Variants in EVL observed in about 807,000 individuals in gnomAD.
EVL encodes the protein ena/VASP-like protein.
Under a neutral mutation model 59.6 loss-of-function variants are expected in EVL, and 21 were observed. That is an observed-to-expected ratio of 0.35 (90% CI 0.25 to 0.51). The LOEUF (loss-of-function observed/expected upper bound fraction) is 0.51, where lower values mean the gene tolerates loss of function less well. Among genes scored for constraint, EVL ranks in the 20% least tolerant of loss-of-function variants. EVL has a pLI of 0.97. For synonymous variants in EVL, 198 were observed against 203.5 expected (o/e 0.97, Z 0.23); for missense variants, 462 against 546.6 (o/e 0.85, Z 1.54).
At position 100,047,957 on chromosome 14, in the gene EVL, A is replaced by T. The variant is rs183352689; in HGVS notation, c.6-36730A>T. Among the ~76,000 whole-genome samples the T allele has an allele frequency of 2.4e-4, 36 of 152,372 alleles. 1 individual carries two copies. The highest frequency in any genetic ancestry group is 1.5e-3 in the Admixed American group (23 of 15,312). ...AATTTTGGCCTAATCCTCACATGTT[A>T]TACAAAAGTTACTTCAAAGTGGTTC... On this transcript the variant is annotated intron_variant, in intron 1 of 13. Transcript: ENST00000402714.
At chr14:100,116,318 G>A (rs1005284320) in intron 3 of EVL, among the ~76,000 whole-genome samples, 4 of 152,158 alleles carry the variant, frequency 2.6e-5, no homozygotes, top group Non-Finnish European at 4.4e-5. Context: ...CTCAGACCAG[G>A]TGGCTGTCGT....
chr14:100,091,677 G>A (rs1008784073), intron 2 of EVL, among the ~76,000 whole-genome samples: 1 of 152,048 alleles, frequency 6.6e-6, no homozygotes, highest in Non-Finnish European at 1.5e-5. Context: ...CTAGGTAAAC[G>A]GTTTCCCTGA....
chr14:100,012,009 TAA>T (rs2061019750), intron 1 of EVL, among the ~76,000 whole-genome samples: 1 of 152,160 alleles, frequency 6.6e-6, no homozygotes, highest in African/African-American at 2.4e-5. Context: ...TGCTGACAGA[TAA>T]AGTGTTTTGC....
intron 2 of EVL, among the ~76,000 whole-genome samples, chr14:100,095,226 G>A (rs1482612945): frequency 6.6e-6 from 1 of 152,118 alleles, no homozygotes; most frequent in Non-Finnish European, 1.5e-5. Flanking sequence ...CCTGATATAA[G>A]GTGGTTTCAA....
At chr14:99,985,596 C>G (rs2060834723) in intron 1 of EVL, among the ~76,000 whole-genome samples, 1 of 151,490 alleles carries the variant, frequency 6.6e-6, no homozygotes, top group South Asian at 2.1e-4. Flanking sequence ...GGAGAAACCC[C>G]GTCTCTACTT....
intron 1 of EVL, among the ~76,000 whole-genome samples, chr14:100,042,945 G>A (rs191807655): frequency 6.6e-6 from 1 of 152,198 alleles, no homozygotes; most frequent in African/African-American, 2.4e-5. Flanking sequence ...AACAGTGTGG[G>A]GATCGACTGT....
At chr14:100,068,027 G>A (rs2061970365) in intron 1 of EVL, among the ~76,000 whole-genome samples, 1 of 152,142 alleles carries the variant, frequency 6.6e-6, no homozygotes, top group African/African-American at 2.4e-5. Context: ...GGGACACAGT[G>A]GTAAACAAGA....
chr14:99,985,240 A>G (rs1412416904), intron 1 of EVL, among the ~76,000 whole-genome samples: 1 of 151,958 alleles, frequency 6.6e-6, no homozygotes, highest in African/African-American at 2.4e-5. Flanking sequence ...GAAGAATAGC[A>G]TGGGGCATAT....
intron 1 of EVL, among the ~76,000 whole-genome samples, chr14:100,076,589 G>A (rs1185915924): frequency 3.3e-5 from 5 of 152,216 alleles, no homozygotes; most frequent in African/African-American, 1.2e-4. Context: ...GGGCTTCAGG[G>A]AAGATTTTCT....
chr14:100,081,637 G>GGT (rs1186542876), intron 1 of EVL, among the ~76,000 whole-genome samples: 1 of 151,950 alleles, frequency 6.6e-6, no homozygotes, highest in African/African-American at 2.4e-5. Flanking sequence ...TCCCCTAAAA[G>GGT]GTGTGTGTGA....
intron 1 of EVL, chr14:100,019,520 A>G (rs1566970648): frequency 3.1e-6 from 2 of 652,004 alleles, no homozygotes; most frequent in Non-Finnish European, 4.9e-6. Flanking sequence ...CCCTGTCTGC[A>G]GAAAGCCTTT....
intron 4 of EVL, among the ~76,000 whole-genome samples, chr14:100,126,053 C>T (rs1888050975): frequency 6.6e-6 from 1 of 152,202 alleles, no homozygotes; most frequent in Non-Finnish European, 1.5e-5. Flanking sequence ...GTGCCTCCCA[C>T]TCCAGAACTC....
chr14:99,991,960 CTGTGTGTGTGTGTG>C (rs58443751), intron 1 of EVL, among the ~76,000 whole-genome samples: 10 of 144,346 alleles, frequency 6.9e-5, no homozygotes, highest in Non-Finnish European at 1.1e-4. Context: ...AGGGTCAACT[CTGTGTGTGTGTGTG>C]TGTGTGTGTG....
intron 1 of EVL, among the ~76,000 whole-genome samples, chr14:100,041,842 C>A (rs2061472336): frequency 6.6e-6 from 1 of 152,098 alleles, no homozygotes; most frequent in South Asian, 2.1e-4. Context: ...GACTAGAAAA[C>A]CCTATCTGAA....
Position 99,983,410 on chromosome 14 carries a change from G to T in EVL, c.5+11353G>T, listed in dbSNP as rs1361795052. On this transcript the variant is annotated intron_variant, in intron 1 of 13. Transcript: ENST00000402714. The stretch of plus-strand genomic sequence containing the variant: ...GAAAGGGAAACATGAGCCAGTGTGT[G>T]CCTCTCCTTGGGTAATAAAGGAGAG... Among the ~76,000 whole-genome samples, 11 of 152,290 alleles carry T rather than the reference G, an allele frequency of 7.2e-5. No individual in the cohort carries two copies. In the South Asian group the frequency reaches 1.4e-3, roughly 20 times the overall value.
intron 1 of EVL, chr14:100,074,540 A>G (rs2062119660): frequency 6.6e-6 from 1 of 152,490 alleles, no homozygotes. Context: ...TGTTGCTGGC[A>G]AACAATAGAG....
chr14:100,022,366 A>G (rs1159088539), intron 1 of EVL, among the ~76,000 whole-genome samples: 1 of 149,978 alleles, frequency 6.7e-6, no homozygotes, highest in Admixed American at 6.7e-5. Context: ...CAACCTCTGC[A>G]TCCTGGATTC....
intron 2 of EVL, among the ~76,000 whole-genome samples, chr14:100,086,776 G>C (rs1202675536): frequency 2.0e-5 from 3 of 152,248 alleles, no homozygotes; most frequent in African/African-American, 7.2e-5. Flanking sequence ...TGATTGAGAA[G>C]TTCAGAGCAC....
intron 1 of EVL, among the ~76,000 whole-genome samples, chr14:100,083,566 C>T (rs1310613919): frequency 3.3e-5 from 5 of 152,164 alleles, no homozygotes; most frequent in African/African-American, 1.2e-4. Context: ...GAGACTTCCC[C>T]TGAATACCGT....
Sources: gnomAD v4.1 joint callset for allele counts (sites outside exome capture counted in the v4.1 genomes callset) on GRCh38, gnomAD v4.1.1 for gene constraint, MANE v1.5 for transcripts, NCBI Gene and HGNC (gene_info 2026-07-23, HGNC 2026-07-21) for gene names.